HEATR3: variants seen among roughly 807,000 people sequenced by gnomAD.
The protein encoded by HEATR3 is HEAT repeat containing 3.
A neutral mutation model predicts 72.8 loss-of-function variants in HEATR3; 56 were observed. The observed-to-expected ratio is 0.77, with a 90% CI of 0.62 to 0.96. The LOEUF (loss-of-function observed/expected upper bound fraction) is 0.96. Ranked by LOEUF, HEATR3 falls within the 40% of genes least tolerant of loss-of-function variation. The pLI is 0.00. For missense variants in HEATR3, 747 were observed against 831.4 expected (o/e 0.90, Z 1.25); for synonymous variants, 331 against 318.1 (o/e 1.04, Z -0.43).
At chr16:50,091,732 A>G (rs563576492) in intron 11 of HEATR3, among the ~76,000 whole-genome samples, 8 of 150,542 alleles carry the variant, frequency 5.3e-5, no homozygotes, top group African/African-American at 1.7e-4. Context: ...AAATTAGCCA[A>G]GTGTGGTGGC....
intron 4 of HEATR3, among the ~76,000 whole-genome samples, chr16:50,072,383 T>C (rs2036631456): frequency 6.6e-6 from 1 of 152,236 alleles, no homozygotes; most frequent in Non-Finnish European, 1.5e-5. Context: ...GCAAAGAGAT[T>C]GATGAAAAGG....
intron 10 of HEATR3, among the ~76,000 whole-genome samples, chr16:50,085,008 A>G (rs1240827371): frequency 2.0e-5 from 3 of 152,216 alleles, no homozygotes; most frequent in Non-Finnish European, 2.9e-5. Flanking sequence ...AGCGAGACAT[A>G]AAAGAATACA....
At chr16:50,083,878 C>A in intron 7 of HEATR3, 59 bp from the exon 8 acceptor site, 2 of 1,495,602 alleles carry the variant, frequency 1.3e-6, no homozygotes, top group South Asian at 1.2e-5. Flanking sequence ...AGGAAATTCC[C>A]CAAAAACATT....
At position 50,086,098 on chromosome 16, in the gene HEATR3, T is replaced by C. The variant is rs188986906; in HGVS notation, c.1374-117T>C. 473 of 932,466 alleles carry C rather than the reference T, an allele frequency of 5.1e-4. 1 individual carries two copies. Among genetic ancestry groups the C allele is most frequent in the Non-Finnish European group, 9.1e-5 (58 of 638,092 alleles). 57.8% of individuals were successfully genotyped at this position (932,466 alleles called of 1,614,324 possible). A position where few individuals can be genotyped will look rare whatever the true frequency, so the allele number is the denominator to read the frequency against. ...GTGATTCTTTGCTAACTGCCATAGA[T>C]ACCTTGTATTTACAGATATTTCCAG... On this transcript the variant is annotated intron_variant, in intron 10 of 14. Coordinates refer to ENST00000299192, the MANE Select transcript of HEATR3 (RefSeq NM_182922.4).
intron 5 of HEATR3, 95 bp downstream of exon 5, chr16:50,072,809 T>C: frequency 1.3e-6 from 1 of 764,372 alleles, no homozygotes; most frequent in Non-Finnish European, 2.3e-6. Flanking sequence ...TGGAGTGATT[T>C]TTTGTTTCGT....
chr16:50,082,001 AAG>A (rs1263416027), intron 7 of HEATR3, among the ~76,000 whole-genome samples: 4 of 152,218 alleles, frequency 2.6e-5, no homozygotes, highest in Non-Finnish European at 5.9e-5. Context: ...AGTTCTGAGC[AAG>A]AGAGTTACAT....
chr16:50,102,764 C>CT (rs1005371660), intron 14 of HEATR3, among the ~76,000 whole-genome samples: 33 of 151,980 alleles, frequency 2.2e-4, no homozygotes, highest in East Asian at 1.5e-3. Flanking sequence ...TTTAATTTTA[C>CT]TTTTTTTTGT....
At chr16:50,067,948 G>C (rs986130669) in intron 2 of HEATR3, among the ~76,000 whole-genome samples, 5 of 152,158 alleles carry the variant, frequency 3.3e-5, no homozygotes, top group Non-Finnish European at 5.9e-5. Context: ...AATGACAAAG[G>C]GTGCTAAAAG....
Position 50,084,601 on chromosome 16 carries a change from T to C in HEATR3, c.1323T>C (p.Ile441=), listed in dbSNP as rs1453929909. ...IFEKTAFPNS[I]AVDLCSRNPT... Reference sequence around the variant, plus strand: ...AGAAAACTGCCTTTCCAAACAGCATTGCAGTTGACCTATGTTCTAGGAACC... The same window carrying C: ...AGAAAACTGCCTTTCCAAACAGCATCGCAGTTGACCTATGTTCTAGGAACC... The change falls in exon 10 of 15, where the codon ATT becomes ATC. Residue 441 remains isoleucine (I), a synonymous_variant. Coordinates refer to ENST00000299192, the MANE Select transcript of HEATR3 (RefSeq NM_182922.4). 3 of 1,613,418 alleles carry C rather than the reference T, an allele frequency of 1.9e-6. No homozygotes were observed. The highest frequency in any genetic ancestry group is 1.7e-6 in the Non-Finnish European group (2 of 1,179,676).
Position 50,066,281 on chromosome 16 carries a change from G to A in HEATR3, c.138+12G>A, listed in dbSNP as rs766583714. On this transcript the variant is annotated intron_variant, in intron 1 of 14. Coordinates refer to ENST00000299192, the MANE Select transcript of HEATR3 (RefSeq NM_182922.4). ...AGCTGCTGGAAAAGGTGAGGCGAGG[G>A]CTCCGTCGGGCCGGGAGGCGAGACG... is the stretch of plus-strand genomic sequence containing the variant. 6.3e-7 allele frequency: 1 copy of A among 1,574,962 alleles called. No individual in the cohort carries two copies. The highest frequency in any genetic ancestry group is 1.1e-5 in the South Asian group (1 of 87,316).
At chr16:50,073,357 CA>C (rs1567427166) in intron 5 of HEATR3, 1 of 152,192 alleles carries the variant, frequency 6.6e-6, no homozygotes, top group East Asian at 1.9e-4. Flanking sequence ...AGTGGAGAAA[CA>C]ATTGAGGGAG....
Position 50,066,452 on chromosome 16 carries a change from T to C in HEATR3, c.224T>C (p.Leu75Pro). The part of the protein sequence containing the change: ...LVQQRPALPG[L>P]ARRDAVRRLG... ...CAGCAGCGGCCGGCACTCCCGGGCC[T>C]GGCGCGACGAGACGCCGTGCGCCGC... The change falls in exon 2 of 15, where the codon CTG becomes CCG. Residue 75 changes from leucine (L) to proline (P), a missense_variant. Leu to Pro is a moderately conservative substitution (Grantham distance 98). Transcript: ENST00000299192. 3 of 1,383,408 alleles carry C rather than the reference T, an allele frequency of 2.2e-6. No homozygotes were observed. The highest frequency in any genetic ancestry group is 2.8e-6 in the Non-Finnish European group (3 of 1,076,760). The allele number at this position is 1,383,408 out of a possible 1,614,324, so 85.7% of individuals were successfully genotyped here.
chr16:50,094,537 G>A (rs2037188481), intron 11 of HEATR3, among the ~76,000 whole-genome samples, 168 bp from the exon 12 acceptor site: 1 of 152,086 alleles, frequency 6.6e-6, no homozygotes, highest in Non-Finnish European at 1.5e-5. Context: ...TGTACAGGGG[G>A]CTGTTAACTA....
In HEATR3 at chr16:50,066,248, G is replaced by C. The variant is rs745386819; in HGVS notation, c.117G>C (p.Pro39=). The change falls in exon 1 of 15, where the codon CCG becomes CCC. Residue 39 remains proline, a synonymous_variant. Transcript: ENST00000299192. Reference sequence around the variant, plus strand: ...CCGGAGGCGAGGAGGACGACGGGCCGGCGGCGGAGCTGCTGGAAAAGGTGA... The same window carrying C: ...CCGGAGGCGAGGAGGACGACGGGCCCGCGGCGGAGCTGCTGGAAAAGGTGA... ...NGTGGEEDDG[P]AAELLEKLQH... 2.8e-5 allele frequency: 44 copies of C among 1,563,788 alleles called. No homozygotes were observed. The highest frequency in any genetic ancestry group is 2.2e-4 in the South Asian group (19 of 85,794).
In HEATR3 at chr16:50,098,048, G is replaced by A. The variant is rs191791628; in HGVS notation, c.1600-2182G>A. 4.6e-5 allele frequency among the ~76,000 whole-genome samples: 7 copies of A among 152,070 alleles called. No individual in the cohort carries two copies. The East Asian group carries it at 1.4e-3, about 29-fold the overall frequency. ...TTGCCATTGTTTCTAGGTCTTTTTA[G>A]TGGAAATAGCTAGGAAATAGGCATT... On this transcript the variant is annotated intron_variant, in intron 12 of 14. Coordinates refer to ENST00000299192, the MANE Select transcript of HEATR3 (RefSeq NM_182922.4).
At position 50,066,554 on chromosome 16, in the gene HEATR3, G is replaced by C; in HGVS notation, c.311+15G>C. ...GGCGCGCTGAGGTGAGCCAGGAAGG[G>C]TGCGGGGCGGTGCCCACCGCTGGCC... On this transcript the variant is annotated intron_variant, in intron 2 of 14. Coordinates refer to ENST00000299192, the MANE Select transcript of HEATR3 (RefSeq NM_182922.4). 1 of 1,282,232 alleles carries C rather than the reference G, an allele frequency of 7.8e-7. No homozygotes were observed. The highest frequency in any genetic ancestry group is 9.8e-7 in the Non-Finnish European group (1 of 1,018,008). The allele number at this position is 1,282,232 out of a possible 1,614,324, so 79.4% of individuals were successfully genotyped here.
chr16:50,072,617 T>C lies in HEATR3; in HGVS notation c.525T>C (p.Ser175=), dbSNP rs775896037. Reference sequence around the variant, plus strand: ...CCCTTCAATTTAGTGAATGCAGTAGTAGAGCAGTGTCTATATTCAACAAAG... The same window carrying C: ...CCCTTCAATTTAGTGAATGCAGTAGCAGAGCAGTGTCTATATTCAACAAAG... ...NVLWNICECS[S]RAVSIFNKEG... is the part of the protein sequence containing the mutation. The change falls in exon 5 of 15, where the codon AGT becomes AGC. Residue 175 remains serine (S), a synonymous_variant. Coordinates refer to ENST00000299192, the MANE Select transcript of HEATR3 (RefSeq NM_182922.4). 1.9e-6 allele frequency: 3 copies of C among 1,605,092 alleles called. No homozygotes were observed. The African/African-American group carries it at 4.0e-5, about 21-fold the overall frequency.
In HEATR3 at chr16:50,082,773, AGCAG is replaced by A. The variant is rs754631909; in HGVS notation, c.1042-1162_1042-1159del. On this transcript the variant is annotated intron_variant, in intron 7 of 14. Transcript: ENST00000299192. The stretch of plus-strand genomic sequence containing the variant: ...CCCATCTCTCAAAAAAAAAAAAAAA[AGCAG>A]GTAAATTTTTTTTCTTTTTCTTTTT... Among the ~76,000 whole-genome samples the A allele has an allele frequency of 1.3e-3, 35 of 26,432 alleles. No individual in the cohort carries two copies. In the East Asian group the frequency reaches 0.044, roughly 33 times the overall value. The allele number at this position is 26,432 out of a possible 152,430, so 17.3% of individuals were successfully genotyped here.
At chr16:50,103,803 A>C (rs1462856314) in intron 14 of HEATR3, among the ~76,000 whole-genome samples, 1 of 152,168 alleles carries the variant, frequency 6.6e-6, no homozygotes, top group African/African-American at 2.4e-5. Flanking sequence ...AGGTGGGAGG[A>C]TCACTCGAGT....
Sources: gnomAD v4.1 joint callset for allele counts (sites outside exome capture counted in the v4.1 genomes callset) on GRCh38, gnomAD v4.1.1 for gene constraint, MANE v1.5 for transcripts, NCBI Gene and HGNC (gene_info 2026-07-23, HGNC 2026-07-21) for gene names.